NRBP1: variants seen among roughly 807,000 people sequenced by gnomAD.
The protein encoded by NRBP1 is nuclear receptor-binding protein.
Under a neutral mutation model 76.0 loss-of-function variants are expected in NRBP1, and 10 were observed. The observed-to-expected ratio is 0.13, with a 90% CI of 0.08 to 0.22. The LOEUF (loss-of-function observed/expected upper bound fraction) is 0.22, where lower values mean the gene tolerates loss of function less well. NRBP1 is among the 10% of genes least tolerant of loss of function. NRBP1 has a pLI of 1.00. For missense variants in NRBP1, 344 were observed against 646.0 expected, an observed-to-expected ratio of 0.53 and a Z score of 5.07; for synonymous variants, 235 against 240.2, an observed-to-expected ratio of 0.98 and a Z score of 0.20.
intron 4 of NRBP1, 110 bp downstream of exon 4, chr2:27,434,200 C>A (rs1453501767): frequency 1.3e-5 from 12 of 903,082 alleles, no homozygotes; most frequent in South Asian, 9.4e-5. Flanking sequence ...TGAAACAGAA[C>A]TGGAATCAGC....
Position 27,442,124 on chromosome 2 carries a change from A to G in NRBP1, c.*312A>G. On this transcript the variant is annotated 3_prime_UTR_variant, in exon 18 of 18. Coordinates refer to ENST00000379852, the MANE Select transcript of NRBP1 (RefSeq NM_013392.4). ...CTGTGTGGAAAGGAGGCCCACGGGC[A>G]CTAGGGGAGCCGAATTCTACAATCC... 1.9e-6 allele frequency: 1 copy of G among 531,300 alleles called. No homozygotes were observed. The highest frequency in any genetic ancestry group is 2.7e-5 in the South Asian group (1 of 37,704). The allele number at this position is 531,300 out of a possible 1,614,324, so 32.9% of individuals were successfully genotyped here.
intron 7 of NRBP1, chr2:27,436,184 A>G (rs1437355709): frequency 7.9e-6 from 2 of 254,590 alleles, no homozygotes; most frequent in African/African-American, 4.4e-5. Flanking sequence ...ATTCAAGGGT[A>G]TTAGCTCAAT....
At chr2:27,433,889 G>T in intron 3 of NRBP1, 94 bp downstream of exon 3, 1 of 1,604,632 alleles carries the variant, frequency 6.2e-7, no homozygotes, top group Admixed American at 1.7e-5. Flanking sequence ...AGGAGAGTAT[G>T]TTGGGGTTAG....
chr2:27,436,627 T>A, intron 7 of NRBP1, 126 bp from the exon 8 acceptor site: 1 of 738,024 alleles, frequency 1.4e-6, no homozygotes, highest in South Asian at 1.5e-5. Context: ...GGGAATATGT[T>A]TGTGCCTGTT....
Position 27,437,188 on chromosome 2 carries a change from G to T in NRBP1, c.805-74G>T, listed in dbSNP as rs1331780712. The T allele has an allele frequency of 3.2e-6, 5 of 1,576,160 alleles. No homozygotes were observed. The Admixed American group carries it at 8.4e-5, about 27-fold the overall frequency. On this transcript the variant is annotated intron_variant, in intron 9 of 17. Transcript: ENST00000379852. ...TGGAGGGAAGACAAGTAAGGCGCTG[G>T]CTTGGAGGGAGTGATTGTGGGAGCA... is the stretch of plus-strand genomic sequence containing the variant.
chr2:27,441,546 C>A (rs766021143), intron 16 of NRBP1, 21 bp from the exon 17 acceptor site: 57 of 1,613,756 alleles, frequency 3.5e-5, no homozygotes, highest in South Asian at 1.1e-5. Flanking sequence ...CTGTACTCAC[C>A]CCCTCCTGTT....
At chr2:27,428,624 G>A (rs1663959618), upstream of NRBP1, 2 of 397,978 alleles carry the variant, frequency 5.0e-6, no homozygotes, top group African/African-American at 4.1e-5. Context: ...GGCGGGGCCC[G>A]CAGTTCGGTT....
chr2:27,439,758 T>C lies in NRBP1; in HGVS notation c.904-8T>C, dbSNP rs1309613905. 1.2e-6 allele frequency: 2 copies of C among 1,613,602 alleles called. No individual in the cohort carries two copies. The highest frequency in any genetic ancestry group is 1.3e-5 in the African/African-American group (1 of 74,900). On this transcript the variant is annotated splice_region_variant and splice_polypyrimidine_tract_variant and intron_variant, in intron 10 of 17. Transcript: ENST00000379852. ...ATGCCTGCTCCAGTTCCTTGTTTCCTTTTCTAGGAGTTCATTCAAAAGTGC... is the reference window on the plus strand; with the variant it reads ...ATGCCTGCTCCAGTTCCTTGTTTCCCTTTCTAGGAGTTCATTCAAAAGTGC...
At position 27,442,133 on chromosome 2, in the gene NRBP1, G is replaced by C. The variant is rs999112455; in HGVS notation, c.*321G>C. ...AAGGAGGCCCACGGGCACTAGGGGA[G>C]CCGAATTCTACAATCCCGCTGGGGC... On this transcript the variant is annotated 3_prime_UTR_variant, in exon 18 of 18. Transcript: ENST00000379852. 1.9e-6 allele frequency: 1 copy of C among 531,212 alleles called. No homozygotes were observed. The highest frequency in any genetic ancestry group is 3.3e-6 in the Non-Finnish European group (1 of 303,768). The allele number at this position is 531,212 out of a possible 1,614,324, so 32.9% of individuals were successfully genotyped here.
intron 6 of NRBP1, 67 bp downstream of exon 6, chr2:27,434,829 G>A: frequency 6.8e-7 from 1 of 1,460,930 alleles, no homozygotes; most frequent in Non-Finnish European, 9.6e-7. Flanking sequence ...AGATTTCAGG[G>A]CACTACTCTT....
At chr2:27,432,580 T>G (rs3845686) in intron 1 of NRBP1, among the ~76,000 whole-genome samples, 56,861 of 151,738 alleles carry the variant, frequency 0.37, 11,003 homozygotes, top group Admixed American at 0.44. Flanking sequence ...AAATCTTTTT[T>G]TTTGTTTGTT....
rs1226793990 is a variant in NRBP1 at position 27,435,078 on chromosome 2, T to A, written c.567-55T>A. 4 of 1,055,728 alleles carry A rather than the reference T, an allele frequency of 3.8e-6. No homozygotes were observed. The African/African-American group carries it at 6.3e-5, about 17-fold the overall frequency. The allele number at this position is 1,055,728 out of a possible 1,614,324, so 65.4% of individuals were successfully genotyped here. A position where few individuals can be genotyped will look rare whatever the true frequency, so the allele number is the denominator to read the frequency against. ...GCCCTTGCTCCTCTTAACCCTTGGG[T>A]TCCCCCTGCCCTTAATTTCCCAGTG... On this transcript the variant is annotated intron_variant, in intron 6 of 17. Transcript: ENST00000379852.
intron 1 of NRBP1, among the ~76,000 whole-genome samples, chr2:27,430,269 G>A (rs1293455056): frequency 6.6e-6 from 1 of 152,092 alleles, no homozygotes; most frequent in Non-Finnish European, 1.5e-5. Context: ...TTACTAGACT[G>A]TCTTCTAATA....
At chr2:27,433,819 G>A (rs1421024569) in intron 3 of NRBP1, 24 bp downstream of exon 3, 1 of 1,614,008 alleles carries the variant, frequency 6.2e-7, no homozygotes, top group South Asian at 1.1e-5. Flanking sequence ...AAAAGGTGAA[G>A]CCTGGGGAAT....
chr2:27,436,865 C>T, intron 8 of NRBP1, 29 bp downstream of exon 8: 3 of 1,593,544 alleles, frequency 1.9e-6, no homozygotes, highest in Non-Finnish European at 2.6e-6. Flanking sequence ...TCTGCCCTGT[C>T]CTCATCCCCC....
chr2:27,429,054 G>C lies in NRBP1; in HGVS notation c.-21+323G>C, dbSNP rs1229383343. On this transcript the variant is annotated intron_variant, in intron 1 of 17. Coordinates refer to ENST00000379852, the MANE Select transcript of NRBP1 (RefSeq NM_013392.4). ...GCCCGGCGGGTGGGGGCGGGGGCGG[G>C]GGCGGCGGTCGCGGCCCGGCGGCCT... is the stretch of plus-strand genomic sequence containing the variant. 6.1e-5 allele frequency: 12 copies of C among 197,198 alleles called. No individual in the cohort carries two copies. The Admixed American group carries it at 6.7e-4, about 11-fold the overall frequency. 12.2% of individuals were successfully genotyped at this position (197,198 alleles called of 1,614,324 possible). A position where few individuals can be genotyped will look rare whatever the true frequency, so the allele number is the denominator to read the frequency against.
intron 1 of NRBP1, among the ~76,000 whole-genome samples, chr2:27,430,524 A>C (rs1477026562): frequency 7.0e-6 from 1 of 143,034 alleles, no homozygotes; most frequent in Non-Finnish European, 1.5e-5. Context: ...GCTGGAGTGC[A>C]GTGGCGCCAT....
At position 27,440,686 on chromosome 2, in the gene NRBP1, T is replaced by A; in HGVS notation, c.1177T>A (p.Phe393Ile). 1 of 1,614,220 alleles carries A rather than the reference T, an allele frequency of 6.2e-7. No individual in the cohort carries two copies. The highest frequency in any genetic ancestry group is 1.1e-5 in the South Asian group (1 of 91,090). ...SQSPALELDK[F>I]LEDVRNGIYP... ...GTCACCAGCTCTGGAATTAGATAAATTCCTTGAAGATGTCAGGTGAGAGCA... is the reference window on the plus strand; with the variant it reads ...GTCACCAGCTCTGGAATTAGATAAAATCCTTGAAGATGTCAGGTGAGAGCA... Residue 393 changes from phenylalanine to isoleucine, a missense_variant, in exon 13 of 18, where the codon TTC (phenylalanine) becomes ATC (isoleucine). Phe to Ile is a conservative substitution (Grantham distance 21). Transcript: ENST00000379852.
intron 1 of NRBP1, among the ~76,000 whole-genome samples, chr2:27,432,402 T>C (rs888619896): frequency 6.6e-6 from 1 of 152,252 alleles, no homozygotes; most frequent in African/African-American, 2.4e-5. Context: ...TATTTAGGAC[T>C]GATTCTGATT....
Sources: gnomAD v4.1 joint callset for allele counts (sites outside exome capture counted in the v4.1 genomes callset) on GRCh38, gnomAD v4.1.1 for gene constraint, MANE v1.5 for transcripts, NCBI Gene and HGNC (gene_info 2026-07-23, HGNC 2026-07-21) for gene names.